UNC5C: variants seen among roughly 807,000 people sequenced by gnomAD.
The protein encoded by UNC5C is netrin receptor UNC5C.
UNC5C carries 47 observed loss-of-function variants against 99.8 expected under a neutral mutation model. The observed-to-expected ratio is 0.47, with a 90% CI of 0.37 to 0.60. The LOEUF is 0.60. UNC5C is among the 20% of genes least tolerant of loss of function. The probability of loss-of-function intolerance (pLI) is 0.00; values close to 1 mark genes in which losing one functional copy is unlikely to be tolerated. For synonymous variants in UNC5C, 487 were observed against 452.2 expected, an observed-to-expected ratio of 1.08 and a Z score of -0.98; for missense variants, 1,062 against 1,165.9, an observed-to-expected ratio of 0.91 and a Z score of 1.30.
chr4:95,485,422 A>G (rs1470201440), intron 1 of UNC5C, among the ~76,000 whole-genome samples: 2 of 151,972 alleles, frequency 1.3e-5, no homozygotes, highest in African/African-American at 2.4e-5. Flanking sequence ...TGTTGTAGGC[A>G]CTTGAATCAT....
chr4:95,438,092 C>T (rs566031417), intron 1 of UNC5C, among the ~76,000 whole-genome samples: 70 of 152,088 alleles, frequency 4.6e-4, no homozygotes, highest in African/African-American at 1.6e-3. Flanking sequence ...CACCATTCTA[C>T]CAGATCAGGA....
chr4:95,316,388 C>G (rs61192369), intron 2 of UNC5C, among the ~76,000 whole-genome samples: 2,041 of 152,194 alleles, frequency 0.013, 46 homozygotes, highest in African/African-American at 0.046. Flanking sequence ...GGACCCAACC[C>G]CACAGCATGC....
intron 1 of UNC5C, among the ~76,000 whole-genome samples, chr4:95,450,996 G>A (rs1046248168): frequency 1.3e-5 from 2 of 152,132 alleles, no homozygotes; most frequent in African/African-American, 4.8e-5. Flanking sequence ...TTCAATAAAT[G>A]TTAGTGATTA....
chr4:95,351,979 G>C (rs184990353), intron 1 of UNC5C, among the ~76,000 whole-genome samples: 220 of 151,978 alleles, frequency 1.4e-3, no homozygotes, highest in East Asian at 6.6e-3. Flanking sequence ...CTATGTCTTC[G>C]ACCTTTCCCT....
intron 1 of UNC5C, among the ~76,000 whole-genome samples, chr4:95,538,564 C>G (rs1475103239): frequency 6.6e-6 from 1 of 152,080 alleles, no homozygotes; most frequent in Non-Finnish European, 1.5e-5. Flanking sequence ...TTTTGCTGTT[C>G]TTAGCAGTGC....
Position 95,526,588 on chromosome 4 carries a change from C to T in UNC5C, c.124+22146G>A, listed in dbSNP as rs562089914. Among the ~76,000 whole-genome samples, 3 of 151,916 alleles carry T rather than the reference C, an allele frequency of 2.0e-5. No homozygotes were observed. In the South Asian group the frequency reaches 6.2e-4, roughly 32 times the overall value. ...GTAAGTAATACAAATGTCTCATTTCCATTATCTATCAAGTTTTTAATTTGT... is the reference window on the plus strand; with the variant it reads ...GTAAGTAATACAAATGTCTCATTTCTATTATCTATCAAGTTTTTAATTTGT... On this transcript the variant is annotated intron_variant, in intron 1 of 15. Coordinates refer to ENST00000453304, the MANE Select transcript of UNC5C (RefSeq NM_003728.4).
intron 1 of UNC5C, among the ~76,000 whole-genome samples, chr4:95,421,183 T>C (rs182928649): frequency 6.6e-6 from 1 of 152,312 alleles, no homozygotes; most frequent in Admixed American, 6.5e-5. Context: ...TCAGAATCAC[T>C]TCCATGTGAT....
chr4:95,294,530 C>T (rs1741603896), intron 3 of UNC5C, among the ~76,000 whole-genome samples: 1 of 152,162 alleles, frequency 6.6e-6, no homozygotes, highest in Non-Finnish European at 1.5e-5. Flanking sequence ...ATCTTGGGTG[C>T]ATGTAAATCC....
chr4:95,185,260 C>T lies in UNC5C; in HGVS notation c.2137-64G>A, dbSNP rs954363798. On this transcript the variant is annotated intron_variant, in intron 12 of 15. Coordinates refer to ENST00000453304, the MANE Select transcript of UNC5C (RefSeq NM_003728.4). ...TTTGGATCACTTCTGTCAGCTCTCT[C>T]ATTGAATAAGTTTCTTTACTGCCTC... 3.2e-5 allele frequency: 49 copies of T among 1,524,474 alleles called. No homozygotes were observed. The East Asian group carries it at 1.0e-3, about 32-fold the overall frequency. 94.4% of individuals were successfully genotyped at this position (1,524,474 alleles called of 1,614,324 possible). A position where few individuals can be genotyped will look rare whatever the true frequency, so the allele number is the denominator to read the frequency against.
chr4:95,488,606 C>A (rs1431064436), intron 1 of UNC5C, among the ~76,000 whole-genome samples: 1 of 151,612 alleles, frequency 6.6e-6, no homozygotes, highest in Non-Finnish European at 1.5e-5. Flanking sequence ...GAGAAAAATG[C>A]ACACTCAGGC....
rs544923466 is a variant in UNC5C at position 95,516,585 on chromosome 4, G to A, written c.124+32149C>T. On this transcript the variant is annotated intron_variant, in intron 1 of 15. Coordinates refer to ENST00000453304, the MANE Select transcript of UNC5C (RefSeq NM_003728.4). Reference sequence around the variant, plus strand: ...GTGTGTGTAAATGCCAGTGGCAGTCGGCCGCCCTCTTCATAGTGGACGCTG... The same window carrying A: ...GTGTGTGTAAATGCCAGTGGCAGTCAGCCGCCCTCTTCATAGTGGACGCTG... Among the ~76,000 whole-genome samples the A allele has an allele frequency of 2.0e-5, 3 of 152,244 alleles. No individual in the cohort carries two copies. In the East Asian group the frequency reaches 5.8e-4, roughly 30 times the overall value.
At chr4:95,254,593 G>A (rs1739883135) in intron 4 of UNC5C, among the ~76,000 whole-genome samples, 1 of 152,156 alleles carries the variant, frequency 6.6e-6, no homozygotes, top group African/African-American at 2.4e-5. Flanking sequence ...GAGCTTGATA[G>A]ACATATAGAA....
Position 95,169,069 on chromosome 4 carries a change from G to T in UNC5C, c.*165C>A. On this transcript the variant is annotated 3_prime_UTR_variant, in exon 16 of 16. Coordinates refer to ENST00000453304, the MANE Select transcript of UNC5C (RefSeq NM_003728.4). The stretch of plus-strand genomic sequence containing the variant: ...CCGTGATGATGTCCGAGTAAAGTGG[G>T]CATGTACATGGGCAGTTGTATCTGT... 1.3e-6 allele frequency: 1 copy of T among 748,626 alleles called. No homozygotes were observed. The highest frequency in any genetic ancestry group is 2.1e-6 in the Non-Finnish European group (1 of 466,620). The allele number at this position is 748,626 out of a possible 1,614,324, so 46.4% of individuals were successfully genotyped here.
intron 9 of UNC5C, among the ~76,000 whole-genome samples, chr4:95,218,507 A>G (rs1330138443): frequency 6.6e-6 from 1 of 152,250 alleles, no homozygotes; most frequent in African/African-American, 2.4e-5. Context: ...AGTTAGGTTA[A>G]TAAATGAAGA....
chr4:95,498,269 A>G (rs879793357), intron 1 of UNC5C, among the ~76,000 whole-genome samples: 4 of 151,990 alleles, frequency 2.6e-5, no homozygotes, highest in Admixed American at 2.6e-4. Flanking sequence ...CCCATGCACA[A>G]CTTTGCTTAC....
At chr4:95,535,326 C>T (rs1427531213) in intron 1 of UNC5C, among the ~76,000 whole-genome samples, 1 of 152,112 alleles carries the variant, frequency 6.6e-6, no homozygotes, top group East Asian at 1.9e-4. Context: ...GTCCATATGA[C>T]ATTCTTTCAC....
chr4:95,187,860 T>C (rs886304362), intron 12 of UNC5C, among the ~76,000 whole-genome samples: 8 of 146,384 alleles, frequency 5.5e-5, no homozygotes, highest in African/African-American at 2.2e-4. Context: ...AACCTGACTT[T>C]TTTCTCCCTT....
chr4:95,542,592 A>G (rs7685198), intron 1 of UNC5C, among the ~76,000 whole-genome samples: 6,832 of 152,252 alleles, frequency 0.045, 181 homozygotes, highest in Middle Eastern at 0.13. Context: ...TCAAAATCTC[A>G]TTATATATGA....
intron 2 of UNC5C, among the ~76,000 whole-genome samples, chr4:95,309,751 G>T (rs1427428249): frequency 6.6e-6 from 1 of 152,072 alleles, no homozygotes; most frequent in Non-Finnish European, 1.5e-5. Context: ...TGGAAGAATG[G>T]CTACTATCAA....
Sources: gnomAD v4.1 joint callset for allele counts (sites outside exome capture counted in the v4.1 genomes callset) on GRCh38, gnomAD v4.1.1 for gene constraint, MANE v1.5 for transcripts, NCBI Gene and HGNC (gene_info 2026-07-23, HGNC 2026-07-21) for gene names.